Variants in AFF3 observed in about 807,000 individuals in gnomAD.
AFF3 encodes AF4/FMR2 family member 3.
A neutral mutation model predicts 129.7 loss-of-function variants in AFF3; 32 were observed. The ratio of observed to expected loss-of-function variants is 0.25; its 90% CI spans 0.19 to 0.33. AFF3 has a LOEUF of 0.33. AFF3 is among the 10% of genes least tolerant of loss of function. AFF3 has a pLI of 1.00. For missense variants in AFF3, 1,373 were observed against 1,592.0 expected (o/e 0.86, Z 2.34); for synonymous variants, 644 against 635.4 (o/e 1.01, Z -0.20).
chr2:99,844,436 T>TTC (rs1289079303), intron 7 of AFF3, among the ~76,000 whole-genome samples: 16 of 118,064 alleles, frequency 1.4e-4, no homozygotes, highest in African/African-American at 2.3e-4. Flanking sequence ...TTTCTTTTCT[T>TTC]TTTTTTTTTT....
intron 7 of AFF3, among the ~76,000 whole-genome samples, chr2:100,005,516 C>T (rs574509282): frequency 1.3e-5 from 2 of 152,148 alleles, no homozygotes; most frequent in Non-Finnish European, 2.9e-5. Context: ...ATGGTACCTA[C>T]GTGTGTCTCC....
chr2:100,104,887 C>T (rs1691146558), intron 3 of AFF3: 2 of 269,848 alleles, frequency 7.4e-6, no homozygotes, highest in African/African-American at 2.4e-5. Flanking sequence ...GCGGGCGAGG[C>T]CGAGGCGCGC....
At chr2:100,047,439 G>C (rs1685924798) in intron 4 of AFF3, among the ~76,000 whole-genome samples, 1 of 152,186 alleles carries the variant, frequency 6.6e-6, no homozygotes, top group Non-Finnish European at 1.5e-5. Context: ...CTCGGTAAAT[G>C]CTGAGTCTTA....
intron 4 of AFF3, among the ~76,000 whole-genome samples, chr2:100,022,585 T>A (rs1683685528): frequency 6.6e-6 from 1 of 152,124 alleles, no homozygotes; most frequent in South Asian, 2.1e-4. Flanking sequence ...CAATTTTTTT[T>A]ATTTTTAGTA....
chr2:99,594,069 T>C lies in AFF3; in HGVS notation c.1592A>G (p.Gln531Arg), dbSNP rs775474968. 2 of 1,613,756 alleles carry C rather than the reference T, an allele frequency of 1.2e-6. No individual in the cohort carries two copies. Residue 531 changes from glutamine to arginine, a missense_variant, in exon 15 of 25, where the codon CAA becomes CGA. By Grantham distance (43) the Gln-to-Arg change is conservative. This residue lies in a region of AFF3 where 413 missense variants were observed against 424.4 expected (regional missense o/e 0.97). Coordinates refer to ENST00000672756, the MANE Select transcript of AFF3 (RefSeq NM_001386135.1). Reference sequence around the variant, plus strand: ...GGCCTTGTTGGCTGTCCTTGGCCTTTGCTCCTCCTTGCAAGTGCTCTTGAT... The same window carrying C: ...GGCCTTGTTGGCTGTCCTTGGCCTTCGCTCCTCCTTGCAAGTGCTCTTGAT... ...KEIKSTCKEE[Q>R]RPRTANKAPG...
intron 11 of AFF3, among the ~76,000 whole-genome samples, chr2:99,722,080 A>G (rs947092109): frequency 6.6e-6 from 1 of 152,096 alleles, no homozygotes; most frequent in Non-Finnish European, 1.5e-5. Flanking sequence ...TTTCAGTTCC[A>G]GAGTTTTCAT....
intron 13 of AFF3, among the ~76,000 whole-genome samples, chr2:99,634,676 G>A (rs987517852): frequency 2.6e-5 from 4 of 151,904 alleles, no homozygotes; most frequent in African/African-American, 7.3e-5. Context: ...AGGAAATAAC[G>A]TTGGCTTGGC....
chr2:99,656,784 T>G (rs1467245638), intron 12 of AFF3, among the ~76,000 whole-genome samples: 1 of 152,190 alleles, frequency 6.6e-6, no homozygotes, highest in African/African-American at 2.4e-5. Flanking sequence ...AAATTCTTAC[T>G]CCTCTCTATT....
chr2:99,692,463 C>T (rs1288592479), intron 11 of AFF3, among the ~76,000 whole-genome samples: 2 of 152,108 alleles, frequency 1.3e-5, no homozygotes, highest in Non-Finnish European at 2.9e-5. Flanking sequence ...ATGCTTCAGA[C>T]AGGTGAGTGA....
chr2:99,702,929 C>A (rs1348649282), intron 11 of AFF3, among the ~76,000 whole-genome samples: 5 of 152,194 alleles, frequency 3.3e-5, no homozygotes, highest in African/African-American at 4.8e-5. Flanking sequence ...GTCCAATTTA[C>A]CAGTTTTTCC....
rs868117923 is a variant in AFF3 at position 99,647,491 on chromosome 2, T to C, written c.1184+2135A>G. Among the ~76,000 whole-genome samples, 63 of 152,226 alleles carry C rather than the reference T, an allele frequency of 4.1e-4. No homozygotes were observed. The Middle Eastern group carries it at 0.02, about 49-fold the overall frequency. On this transcript the variant is annotated intron_variant, in intron 13 of 24. Transcript: ENST00000672756. ...CACACTGGGTCCTGCCGGTGAGGTG[T>C]CAGGGGAGGGATAACATCAAGAAGA...
chr2:99,594,320 C>T (rs1273213347), intron 14 of AFF3, 31 bp from the exon 15 acceptor site: 1 of 1,576,236 alleles, frequency 6.3e-7, no homozygotes, highest in African/African-American at 1.4e-5. Flanking sequence ...ACAAACAAAA[C>T]ATCTTTCATT....
At chr2:99,987,454 T>C (rs1679975662) in intron 7 of AFF3, among the ~76,000 whole-genome samples, 1 of 152,204 alleles carries the variant, frequency 6.6e-6, no homozygotes, top group African/African-American at 2.4e-5. Context: ...CCTCCTGTAA[T>C]GCCAGTCTGA....
At chr2:99,656,786 C>T (rs1045118049) in intron 12 of AFF3, among the ~76,000 whole-genome samples, 1 of 152,134 alleles carries the variant, frequency 6.6e-6, no homozygotes, top group Non-Finnish European at 1.5e-5. Context: ...ATTCTTACTC[C>T]TCTCTATTTT....
chr2:100,058,439 A>C (rs75364189), intron 4 of AFF3, among the ~76,000 whole-genome samples: 707 of 152,370 alleles, frequency 4.6e-3, no homozygotes, highest in Admixed American at 8.4e-3. Flanking sequence ...TTTAGAAAAA[A>C]AAATATATAA....
intron 4 of AFF3, among the ~76,000 whole-genome samples, chr2:100,037,021 C>A (rs377671197): frequency 1.1e-4 from 17 of 152,150 alleles, no homozygotes; most frequent in African/African-American, 4.1e-4. Context: ...GGAAACTTGG[C>A]AATATATCAA....
chr2:99,905,964 C>T (rs530999428), intron 7 of AFF3, among the ~76,000 whole-genome samples: 2 of 152,084 alleles, frequency 1.3e-5, no homozygotes, highest in African/African-American at 4.8e-5. Context: ...AATCTTTGCT[C>T]TGCACAATAA....
intron 7 of AFF3, among the ~76,000 whole-genome samples, chr2:99,914,820 T>C (rs368606243): frequency 8.9e-4 from 135 of 152,136 alleles, no homozygotes; most frequent in African/African-American, 3.1e-3. Context: ...CTCAGGAGGC[T>C]GAGGCAGGAG....
At chr2:99,681,646 G>A (rs1052914198) in intron 11 of AFF3, among the ~76,000 whole-genome samples, 8 of 152,284 alleles carry the variant, frequency 5.3e-5, no homozygotes, top group East Asian at 1.9e-4. Flanking sequence ...CCTTTCCACC[G>A]TATGAGGACC....
Sources: allele counts gnomAD v4.1 joint callset (sites outside exome capture counted in the v4.1 genomes callset), GRCh38; gene constraint gnomAD v4.1.1; regional missense constraint gnomAD v4.1.1; transcripts MANE v1.5; gene names NCBI Gene and HGNC (gene_info 2026-07-23, HGNC 2026-07-21).